The following GRIN2B variants were observed in gnomAD, a reference collection of about 807,000 sequenced individuals.
GRIN2B encodes glutamate receptor ionotropic, NMDA 2B.
A neutral mutation model predicts 114.5 loss-of-function variants in GRIN2B; 5 were observed. The ratio of observed to expected loss-of-function variants is 0.04; its 90% confidence interval spans 0.02 to 0.09. The LOEUF is 0.09. Among genes scored for constraint, GRIN2B ranks in the 10% least tolerant of loss-of-function variants. GRIN2B has a pLI of 1.00. For synonymous variants in GRIN2B, 787 were observed against 745.1 expected (o/e 1.06, Z -0.92); for missense variants, 1,108 against 1,943.5 (o/e 0.57, Z 8.08).
intron 2 of GRIN2B, among the ~76,000 whole-genome samples, chr12:13,874,394 A>G (rs1465758484): frequency 6.6e-6 from 1 of 152,248 alleles, no homozygotes; most frequent in South Asian, 2.1e-4. Context: ...ATCACTTTAC[A>G]TGTGTGCATT....
rs1249685008 is a variant in GRIN2B, at chr12:13,548,161, A to G, written c.*14622T>C. Reference sequence around the variant, plus strand: ...GTTCATGTGGATCTTGCTGTTCCGGAGCAAGCTCTGGGCTCTAAAATTGAG... The same window carrying G: ...GTTCATGTGGATCTTGCTGTTCCGGGGCAAGCTCTGGGCTCTAAAATTGAG... On this transcript the variant is annotated 3_prime_UTR_variant, in exon 14 of 14. Coordinates refer to ENST00000609686, the MANE Select transcript of GRIN2B (RefSeq NM_000834.5). 3 of 151,310 alleles carry G rather than the reference A, an allele frequency of 2.0e-5. No homozygotes were observed. 9.4% of individuals were successfully genotyped at this position (151,310 alleles called of 1,614,324 possible).
chr12:13,725,570 T>C (rs1862970858), intron 4 of GRIN2B, among the ~76,000 whole-genome samples: 1 of 152,058 alleles, frequency 6.6e-6, no homozygotes, highest in Non-Finnish European at 1.5e-5. Flanking sequence ...TGATCAAGAA[T>C]GAGGGAAACC....
chr12:13,641,616 A>G (rs1477309163), intron 5 of GRIN2B, among the ~76,000 whole-genome samples: 1 of 152,144 alleles, frequency 6.6e-6, no homozygotes, highest in African/African-American at 2.4e-5. Flanking sequence ...ATTCAGTCTC[A>G]TCTATGAACT....
chr12:13,830,946 G>A (rs578085709), intron 3 of GRIN2B, among the ~76,000 whole-genome samples: 10 of 152,328 alleles, frequency 6.6e-5, no homozygotes, highest in African/African-American at 2.2e-4. Flanking sequence ...AATGTTGGAG[G>A]TGGGTCCTAA....
intron 4 of GRIN2B, among the ~76,000 whole-genome samples, chr12:13,696,181 G>T (rs1336345182): frequency 6.6e-6 from 1 of 152,124 alleles, no homozygotes; most frequent in East Asian, 1.9e-4. Flanking sequence ...AGACCAAGAA[G>T]GGGTGCAGCA....
chr12:13,586,619 T>C (rs1805473), intron 10 of GRIN2B, among the ~76,000 whole-genome samples: 118,461 of 152,056 alleles, frequency 0.78, 46,577 homozygotes, highest in Middle Eastern at 0.87. Context: ...ACTTTATAAT[T>C]TAAGATCCGA....
chr12:13,889,463 C>G (rs1866222361), intron 2 of GRIN2B, among the ~76,000 whole-genome samples: 1 of 152,182 alleles, frequency 6.6e-6, no homozygotes, highest in Non-Finnish European at 1.5e-5. Flanking sequence ...AGCTTAATAA[C>G]AGTTAGTGCT....
intron 5 of GRIN2B, among the ~76,000 whole-genome samples, chr12:13,617,256 G>C (rs1805539): frequency 0.36 from 54,352 of 152,128 alleles, 11,163 homozygotes; most frequent in East Asian, 0.8. Context: ...ACACTGTTTG[G>C]GAAGGGAGCA....
At chr12:13,581,203 TGCTCCCAAAGTTTTTTACA>T (rs1254500740) in intron 10 of GRIN2B, among the ~76,000 whole-genome samples, 5 of 152,194 alleles carry the variant, frequency 3.3e-5, no homozygotes, top group African/African-American at 1.2e-4. Context: ...ATATGCCCCA[TGCTCCCAAAGTTTTTTACA>T]GCTCTTCTAT....
Position 13,541,582 on chromosome 12 carries a change from T to C in GRIN2B, c.*21201A>G, listed in dbSNP as rs1031542700. The C allele has an allele frequency of 6.6e-6, 1 of 152,238 alleles. No homozygotes were observed. Among genetic ancestry groups the C allele is most frequent in the Non-Finnish European group, 1.5e-5 (1 of 68,050 alleles). 9.4% of individuals were successfully genotyped at this position (152,238 alleles called of 1,614,324 possible). On this transcript the variant is annotated 3_prime_UTR_variant, in exon 14 of 14. Coordinates refer to ENST00000609686, the MANE Select transcript of GRIN2B (RefSeq NM_000834.5). ...TGCATAAAGTAAGGTATGACTGAGT[T>C]GGCTGTGATACCTTAAGAACTCAAG...
chr12:13,958,530 T>C (rs1434585158), intron 2 of GRIN2B, among the ~76,000 whole-genome samples: 1 of 152,224 alleles, frequency 6.6e-6, no homozygotes, highest in Non-Finnish European at 1.5e-5. Flanking sequence ...CATAGGTTAG[T>C]ACACAATATG....
At chr12:13,803,548 G>A (rs1162756403) in intron 3 of GRIN2B, among the ~76,000 whole-genome samples, 1 of 152,048 alleles carries the variant, frequency 6.6e-6, no homozygotes, top group African/African-American at 2.4e-5. Flanking sequence ...TTGTTTCCTA[G>A]AATTTCATTT....
intron 3 of GRIN2B, among the ~76,000 whole-genome samples, chr12:13,813,837 C>T (rs1864774395): frequency 6.6e-6 from 1 of 152,118 alleles, no homozygotes; most frequent in South Asian, 2.1e-4. Context: ...ATAAAATTAC[C>T]CGTCTTGAGT....
At chr12:13,619,100 A>G (rs573858084) in intron 5 of GRIN2B, among the ~76,000 whole-genome samples, 1 of 152,360 alleles carries the variant, frequency 6.6e-6, no homozygotes, top group South Asian at 2.1e-4. Context: ...AAAACAAAAT[A>G]CAAGTCATGC....
intron 2 of GRIN2B, among the ~76,000 whole-genome samples, chr12:13,909,392 A>T (rs1866594986): frequency 2.0e-5 from 3 of 152,238 alleles, no homozygotes; most frequent in African/African-American, 7.2e-5. Context: ...CAGTAATAAC[A>T]GCACCTTCAG....
intron 4 of GRIN2B, among the ~76,000 whole-genome samples, chr12:13,705,942 A>G (rs1382692666): frequency 1.3e-5 from 2 of 152,152 alleles, no homozygotes; most frequent in Admixed American, 6.6e-5. Flanking sequence ...TGCCCACAGT[A>G]GACAACACAG....
In GRIN2B at chr12:13,550,860, G is replaced by A. The variant is rs1241633388; in HGVS notation, c.*11923C>T. Reference sequence around the variant, plus strand: ...CTAACATTGTTTGTGTTTTGAGGATGGGCTGCTCAGAGTCAACTCAGGATA... The same window carrying A: ...CTAACATTGTTTGTGTTTTGAGGATAGGCTGCTCAGAGTCAACTCAGGATA... On this transcript the variant is annotated 3_prime_UTR_variant, in exon 14 of 14. Transcript: ENST00000609686. 6.6e-6 allele frequency: 1 copy of A among 152,044 alleles called. No homozygotes were observed. The highest frequency in any genetic ancestry group is 1.5e-5 in the Non-Finnish European group (1 of 68,000). 9.4% of individuals were successfully genotyped at this position (152,044 alleles called of 1,614,324 possible). A position where few individuals can be genotyped will look rare whatever the true frequency, so the allele number is the denominator to read the frequency against.
rs1023771617 is a variant in GRIN2B at position 13,726,306 on chromosome 12, G to A, written c.1010+27011C>T. On this transcript the variant is annotated intron_variant, in intron 4 of 13. Transcript: ENST00000609686. ...TCCCAGCACTTTGGGAGGCCAAGGC[G>A]GGCAGATCACCTGAGGCCAGGAGTT... Among the ~76,000 whole-genome samples, 7 of 151,856 alleles carry A rather than the reference G, an allele frequency of 4.6e-5. No individual in the cohort carries two copies. The South Asian group carries it at 1.2e-3, about 27-fold the overall frequency.
At chr12:13,687,079 C>T (rs550414729) in intron 4 of GRIN2B, among the ~76,000 whole-genome samples, 1 of 152,220 alleles carries the variant, frequency 6.6e-6, no homozygotes, top group South Asian at 2.1e-4. Flanking sequence ...AGACTGAGGC[C>T]CCCATCAGAG....
Sources: allele counts gnomAD v4.1 joint callset (sites outside exome capture counted in the v4.1 genomes callset), GRCh38; gene constraint gnomAD v4.1.1; transcripts MANE v1.5; gene names NCBI Gene and HGNC (gene_info 2026-07-23, HGNC 2026-07-21).